Variants in LGSN observed in about 807,000 individuals in gnomAD.
LGSN encodes the protein lengsin.
A neutral mutation model predicts 19.5 loss-of-function variants in LGSN; 21 were observed. That is an observed-to-expected ratio of 1.07 (90% CI 0.76 to 1.55). The LOEUF is 1.55. Ranked by LOEUF, LGSN falls within the 40% of genes most tolerant of loss-of-function variation. The pLI is 0.00. For missense variants in LGSN, 673 were observed against 608.5 expected, an observed-to-expected ratio of 1.11 and a Z score of -1.12; for synonymous variants, 257 against 215.6, an observed-to-expected ratio of 1.19 and a Z score of -1.68.
At chr6:63,312,649 A>T (rs1217337836) in intron 1 of LGSN, among the ~76,000 whole-genome samples, 1 of 152,204 alleles carries the variant, frequency 6.6e-6, no homozygotes, top group African/African-American at 2.4e-5. Context: ...TGTAGAATTG[A>T]GAAACACTAC....
the LGSN span, among the ~76,000 whole-genome samples, chr6:63,368,818 C>A: frequency 6.6e-6 from 1 of 152,168 alleles, no homozygotes. Flanking sequence ...AGAGTTACTG[C>A]AAAATACATA....
the LGSN span, among the ~76,000 whole-genome samples, chr6:63,367,741 G>C: frequency 0.053 from 7,094 of 133,916 alleles, 330 homozygotes; most frequent in African/African-American, 0.18. Context: ...CACATATACA[G>C]CATGGAATAC....
the LGSN span, among the ~76,000 whole-genome samples, chr6:63,439,080 C>T: frequency 6.6e-6 from 1 of 152,154 alleles, no homozygotes; most frequent in African/African-American, 2.4e-5. Context: ...TGGAAATCAT[C>T]ATTCTCAGTA....
the LGSN span, among the ~76,000 whole-genome samples, chr6:63,365,880 A>G: frequency 6.6e-6 from 1 of 152,374 alleles, no homozygotes; most frequent in South Asian, 2.1e-4. Context: ...TTTTGACAAA[A>G]TTCAACAGAG....
At chr6:63,355,743 A>C in the LGSN span, among the ~76,000 whole-genome samples, 1 of 152,122 alleles carries the variant, frequency 6.6e-6, no homozygotes, top group Non-Finnish European at 1.5e-5. Context: ...CAATGGTGCA[A>C]TCTTGGCTCA....
the LGSN span, among the ~76,000 whole-genome samples, chr6:63,569,608 C>T: frequency 3.3e-5 from 5 of 152,238 alleles, no homozygotes; most frequent in Non-Finnish European, 7.3e-5. Flanking sequence ...TTCCCAACTG[C>T]TGGCTTTTAT....
At chr6:63,417,642 G>A in the LGSN span, among the ~76,000 whole-genome samples, 12 of 152,270 alleles carry the variant, frequency 7.9e-5, no homozygotes, top group Middle Eastern at 3.4e-3. Context: ...CATATAAACC[G>A]AGTACACCAA....
the LGSN span, among the ~76,000 whole-genome samples, chr6:63,446,360 A>G: frequency 6.6e-6 from 1 of 151,840 alleles, no homozygotes; most frequent in African/African-American, 2.4e-5. Flanking sequence ...CAGTTTCTCA[A>G]ACATACCAAG....
At chr6:63,517,892 G>C in the LGSN span, among the ~76,000 whole-genome samples, 6 of 152,022 alleles carry the variant, frequency 3.9e-5, no homozygotes, top group African/African-American at 1.4e-4. Flanking sequence ...GGTGGCTCAC[G>C]CCTGCAATCC....
chr6:63,316,936 C>T (rs992237105), intron 1 of LGSN, among the ~76,000 whole-genome samples: 2 of 151,858 alleles, frequency 1.3e-5, no homozygotes, highest in Non-Finnish European at 2.9e-5. Context: ...AGGTGCTCTA[C>T]CCTTTAAAAA....
chr6:63,528,369 G>A, the LGSN span, among the ~76,000 whole-genome samples: 1 of 152,076 alleles, frequency 6.6e-6, no homozygotes, highest in Non-Finnish European at 1.5e-5. Flanking sequence ...GCTGAGGTGG[G>A]AGAATCGCTT....
At chr6:63,411,387 G>A in the LGSN span, among the ~76,000 whole-genome samples, 2 of 152,200 alleles carry the variant, frequency 1.3e-5, no homozygotes, top group Admixed American at 1.3e-4. Flanking sequence ...GCCTTGGCTT[G>A]TGTGTCATCT....
intron 1 of LGSN, among the ~76,000 whole-genome samples, chr6:63,298,224 G>A (rs1029455684): frequency 2.0e-5 from 3 of 152,172 alleles, no homozygotes; most frequent in African/African-American, 7.2e-5. Flanking sequence ...TTGCTCTCTC[G>A]AATCAACTGG....
the LGSN span, among the ~76,000 whole-genome samples, chr6:63,375,931 T>G: frequency 2.6e-5 from 4 of 152,158 alleles, no homozygotes; most frequent in African/African-American, 7.2e-5. Flanking sequence ...TCTTGTTTGG[T>G]CCTTAGAACC....
the LGSN span, among the ~76,000 whole-genome samples, chr6:63,560,193 C>T: frequency 4.6e-5 from 7 of 151,724 alleles, no homozygotes; most frequent in African/African-American, 1.5e-4. Flanking sequence ...CAAAAATTAG[C>T]GGGATGTGGT....
At chr6:63,525,042 C>T in the LGSN span, among the ~76,000 whole-genome samples, 49 of 152,284 alleles carry the variant, frequency 3.2e-4, 1 homozygote, top group East Asian at 8.5e-3. Context: ...AGGGATTTAG[C>T]TTAGACAGAC....
the LGSN span, among the ~76,000 whole-genome samples, chr6:63,490,114 T>C: frequency 1.3e-5 from 2 of 152,238 alleles, no homozygotes; most frequent in Admixed American, 1.3e-4. Flanking sequence ...AAGAAAATAC[T>C]CAAACACATG....
chr6:63,324,498 A>G (rs1769183441), upstream of LGSN, among the ~76,000 whole-genome samples: 2 of 152,242 alleles, frequency 1.3e-5, no homozygotes, highest in South Asian at 4.1e-4. Flanking sequence ...ATTCTCCAGG[A>G]CAGACTATAT....
the LGSN span, among the ~76,000 whole-genome samples, chr6:63,386,898 C>T: frequency 1.3e-5 from 2 of 152,054 alleles, no homozygotes; most frequent in East Asian, 3.9e-4. Context: ...GACAGGAGCT[C>T]AAGACCAGCC....
Sources: allele counts gnomAD v4.1 joint callset (sites outside exome capture counted in the v4.1 genomes callset), GRCh38; gene constraint gnomAD v4.1.1; transcripts MANE v1.5; gene names NCBI Gene and HGNC (gene_info 2026-07-23, HGNC 2026-07-21).